CAST: variants seen among roughly 807,000 people sequenced by gnomAD.
CAST encodes the protein calpastatin.
CAST carries 76 observed loss-of-function variants against 119.6 expected under a neutral mutation model. The observed-to-expected ratio is 0.64, with a 90% CI of 0.53 to 0.77. The LOEUF (loss-of-function observed/expected upper bound fraction) is 0.77, where lower values mean the gene tolerates loss of function less well. Ranked by LOEUF, CAST falls within the 30% of genes least tolerant of loss-of-function variation. The probability of loss-of-function intolerance (pLI) is 0.00; values close to 1 mark genes in which losing one functional copy is unlikely to be tolerated. For synonymous variants in CAST, 319 were observed against 331.6 expected (o/e 0.96, Z 0.41); for missense variants, 953 against 946.5 (o/e 1.01, Z -0.09).
intron 25 of CAST, chr5:96,762,834 T>C: frequency 3.1e-6 from 1 of 321,656 alleles, no homozygotes; most frequent in Non-Finnish European, 5.8e-6. Flanking sequence ...TGGAATAGCA[T>C]TGTTTTCTTC....
At chr5:96,102,821 C>G in the CAST span, among the ~76,000 whole-genome samples, 1 of 150,498 alleles carries the variant, frequency 6.6e-6, no homozygotes, top group African/African-American at 2.4e-5. Context: ...TAAACCTTTT[C>G]CTAATCCTTT....
At chr5:96,108,573 G>C in the CAST span, among the ~76,000 whole-genome samples, 21 of 151,928 alleles carry the variant, frequency 1.4e-4, no homozygotes, top group East Asian at 3.9e-4. Context: ...AGGAGGCAGT[G>C]TGCCTGTTCT....
At chr5:96,393,104 A>C in the CAST span, 1 of 1,614,156 alleles carries the variant, frequency 6.2e-7, no homozygotes, top group Non-Finnish European at 8.5e-7. Flanking sequence ...GTCATTATAC[A>C]GACTGTCTTC....
chr5:96,343,313 A>T, the CAST span, among the ~76,000 whole-genome samples: 1 of 152,214 alleles, frequency 6.6e-6, no homozygotes, highest in African/African-American at 2.4e-5. Context: ...CTTTAACCAA[A>T]GATAGGAAAA....
chr5:96,309,718 C>T, the CAST span, among the ~76,000 whole-genome samples: 1,407 of 152,286 alleles, frequency 9.2e-3, 27 homozygotes, highest in African/African-American at 0.033. Flanking sequence ...AATTCCCTGA[C>T]CCCTTGTGCT....
chr5:96,363,327 T>A, the CAST span, among the ~76,000 whole-genome samples: 1 of 149,524 alleles, frequency 6.7e-6, no homozygotes, highest in African/African-American at 2.5e-5. Context: ...GGCTCTTTTT[T>A]GGTTCCATAT....
intron 3 of CAST, among the ~76,000 whole-genome samples, chr5:96,703,246 A>G (rs1414699492): frequency 6.6e-6 from 1 of 152,136 alleles, no homozygotes; most frequent in African/African-American, 2.4e-5. Flanking sequence ...GGCCCGAGAC[A>G]AGTGGCCCAA....
chr5:96,182,700 T>A, the CAST span, among the ~76,000 whole-genome samples: 16,026 of 152,230 alleles, frequency 0.11, 1,038 homozygotes, highest in East Asian at 0.21. Flanking sequence ...TTGGGTATAT[T>A]CTATAAGCCA....
chr5:96,411,032 G>C, the CAST span: 34 of 1,362,866 alleles, frequency 2.5e-5, no homozygotes, highest in Admixed American at 4.0e-4. Flanking sequence ...CATCTATTGG[G>C]GTCATTGTTA....
the CAST span, chr5:96,432,042 GGCAACAATAA>G: frequency 7.1e-7 from 1 of 1,414,126 alleles, no homozygotes. Context: ...CACTTGGACA[GGCAACAATAA>G]GCTGAAATTC....
the CAST span, among the ~76,000 whole-genome samples, chr5:96,248,376 G>A: frequency 1.3e-5 from 2 of 152,178 alleles, no homozygotes; most frequent in African/African-American, 2.4e-5. Context: ...TGAGAGGGGC[G>A]GAATGCGCTA....
the CAST span, among the ~76,000 whole-genome samples, chr5:96,405,840 G>A: frequency 2.6e-5 from 4 of 152,120 alleles, no homozygotes; most frequent in Non-Finnish European, 4.4e-5. Context: ...TACTATATTG[G>A]TCACTATACA....
chr5:96,423,872 T>C, the CAST span, among the ~76,000 whole-genome samples: 1 of 152,226 alleles, frequency 6.6e-6, no homozygotes, highest in Non-Finnish European at 1.5e-5. Flanking sequence ...TTATATTGCC[T>C]GGTGCATAGT....
chr5:96,208,807 G>A, the CAST span, among the ~76,000 whole-genome samples: 1 of 151,822 alleles, frequency 6.6e-6, no homozygotes, highest in Non-Finnish European at 1.5e-5. Flanking sequence ...GCTCTTTTGG[G>A]GTACAGAGTT....
At chr5:95,990,718 T>A in the CAST span, among the ~76,000 whole-genome samples, 3 of 152,240 alleles carry the variant, frequency 2.0e-5, no homozygotes, top group South Asian at 6.2e-4. Context: ...TTTTACATAG[T>A]ATCATTTAAA....
chr5:96,095,283 AG>A, the CAST span, among the ~76,000 whole-genome samples: 149 of 152,242 alleles, frequency 9.8e-4, no homozygotes, highest in African/African-American at 3.3e-3. Context: ...CACTTGTAAA[AG>A]TGTTCTAAGG....
At chr5:96,372,682 G>A in the CAST span, among the ~76,000 whole-genome samples, 2 of 152,076 alleles carry the variant, frequency 1.3e-5, no homozygotes, top group East Asian at 1.9e-4. Flanking sequence ...ATCTTTCTGG[G>A]GGGCCCCACA....
At chr5:96,679,840 A>G (rs1751140046) in intron 2 of CAST, among the ~76,000 whole-genome samples, 1 of 152,010 alleles carries the variant, frequency 6.6e-6, no homozygotes, top group Non-Finnish European at 1.5e-5. Flanking sequence ...AGACTTTTTT[A>G]ATCACAAAAG....
At chr5:96,368,833 T>C in the CAST span, among the ~76,000 whole-genome samples, 1 of 152,148 alleles carries the variant, frequency 6.6e-6, no homozygotes, top group East Asian at 1.9e-4. Context: ...AATAATTTCC[T>C]TCTACCCACA....
Sources: gnomAD v4.1 joint callset for allele counts (sites outside exome capture counted in the v4.1 genomes callset) on GRCh38, gnomAD v4.1.1 for gene constraint, MANE v1.5 for transcripts, NCBI Gene and HGNC (gene_info 2026-07-23, HGNC 2026-07-21) for gene names.